Variants in ADAMTSL1 observed in about 807,000 individuals in gnomAD.
ADAMTSL1 encodes the protein ADAMTS-like protein 1.
ADAMTSL1 carries 126 observed loss-of-function variants against 201.8 expected under a neutral mutation model. The ratio of observed to expected loss-of-function variants is 0.62; its 90% CI spans 0.54 to 0.72. ADAMTSL1 has a LOEUF of 0.72. ADAMTSL1 is among the 30% of genes least tolerant of loss of function. The pLI, the probability that ADAMTSL1 is intolerant of heterozygous loss-of-function variation, is 0.00. For missense variants in ADAMTSL1, 2,679 were observed against 2,277.8 expected, an observed-to-expected ratio of 1.18 and a Z score of -3.59; for synonymous variants, 1,121 against 903.4, an observed-to-expected ratio of 1.24 and a Z score of -4.32.
intron 1 of ADAMTSL1, among the ~76,000 whole-genome samples, chr9:18,054,567 C>T (rs901347683): frequency 6.6e-6 from 1 of 152,056 alleles, no homozygotes; most frequent in East Asian, 1.9e-4. Flanking sequence ...TAGGCCAGGT[C>T]GACATGTTTT....
At chr9:18,110,335 G>A (rs916177280) in intron 1 of ADAMTSL1, among the ~76,000 whole-genome samples, 1 of 152,146 alleles carries the variant, frequency 6.6e-6, no homozygotes, top group Non-Finnish European at 1.5e-5. Flanking sequence ...AAAAGGAACT[G>A]GATTTGCGAA....
At chr9:18,714,091 T>A (rs148732674) in intron 14 of ADAMTSL1, among the ~76,000 whole-genome samples, 39,232 of 151,516 alleles carry the variant, frequency 0.26, 5,398 homozygotes, top group Non-Finnish European at 0.32. Context: ...CTGGGACACA[T>A]TCAAGGCAGT....
chr9:18,640,097 A>C (rs1827348389), intron 7 of ADAMTSL1, among the ~76,000 whole-genome samples: 1 of 152,188 alleles, frequency 6.6e-6, no homozygotes, highest in African/African-American at 2.4e-5. Flanking sequence ...ACCTGGAGCC[A>C]GAGGACATTT....
Position 18,900,125 on chromosome 9 carries a change from G to A in ADAMTSL1, c.4852-5657G>A, listed in dbSNP as rs537450082. Among the ~76,000 whole-genome samples, 9 of 152,220 alleles carry A rather than the reference G, an allele frequency of 5.9e-5. 1 individual carries two copies. In the South Asian group the frequency reaches 1.9e-3, roughly 32 times the overall value. Reference sequence around the variant, plus strand: ...CCATTAAAAAGCAAGCAAAGGACATGAACAGACAGTTCTCAAAAGAAGACA... The same window carrying A: ...CCATTAAAAAGCAAGCAAAGGACATAAACAGACAGTTCTCAAAAGAAGACA... On this transcript the variant is annotated intron_variant, in intron 26 of 28. Transcript: ENST00000380548.
intron 2 of ADAMTSL1, among the ~76,000 whole-genome samples, chr9:18,236,149 C>T (rs1462864222): frequency 1.3e-5 from 2 of 152,178 alleles, no homozygotes; most frequent in African/African-American, 2.4e-5. Context: ...CAGCTCACTG[C>T]AACCTCCGCC....
chr9:18,612,967 C>T (rs1825476458), intron 4 of ADAMTSL1, among the ~76,000 whole-genome samples: 1 of 152,162 alleles, frequency 6.6e-6, no homozygotes, highest in African/African-American at 2.4e-5. Flanking sequence ...AACTATGCAT[C>T]TGACAAAGGT....
chr9:18,768,551 G>C (rs116029016), intron 16 of ADAMTSL1, among the ~76,000 whole-genome samples: 1,898 of 92,658 alleles, frequency 0.02, 25 homozygotes, highest in African/African-American at 0.053. Context: ...CAATGGGTAG[G>C]TAGTTGATCC....
chr9:18,257,801 G>T (rs994757347), intron 2 of ADAMTSL1, among the ~76,000 whole-genome samples: 4 of 152,092 alleles, frequency 2.6e-5, no homozygotes, highest in Non-Finnish European at 4.4e-5. Context: ...AATATTATTT[G>T]GTCATAAAAA....
intron 20 of ADAMTSL1, among the ~76,000 whole-genome samples, chr9:18,816,218 A>T (rs1247489024): frequency 6.6e-6 from 1 of 152,116 alleles, no homozygotes; most frequent in Admixed American, 6.6e-5. Context: ...TAGATTCTAC[A>T]TATAAGTGAG....
intron 1 of ADAMTSL1, among the ~76,000 whole-genome samples, chr9:17,921,003 A>G (rs1467176703): frequency 6.6e-6 from 1 of 152,196 alleles, no homozygotes; most frequent in African/African-American, 2.4e-5. Context: ...GGCTTTCAGT[A>G]GATCTGTCTC....
chr9:18,863,777 C>T (rs1827347222), intron 23 of ADAMTSL1, among the ~76,000 whole-genome samples: 1 of 152,182 alleles, frequency 6.6e-6, no homozygotes, highest in Admixed American at 6.5e-5. Flanking sequence ...CCTACTTTTG[C>T]TCAGTCACCC....
At chr9:18,433,789 G>A (rs547273444) in intron 2 of ADAMTSL1, among the ~76,000 whole-genome samples, 1 of 152,152 alleles carries the variant, frequency 6.6e-6, no homozygotes, top group Non-Finnish European at 1.5e-5. Context: ...AGTTCCACAA[G>A]TTTTAACAAA....
At chr9:17,977,613 T>C (rs1408238424) in intron 1 of ADAMTSL1, among the ~76,000 whole-genome samples, 1 of 152,068 alleles carries the variant, frequency 6.6e-6, no homozygotes, top group Non-Finnish European at 1.5e-5. Flanking sequence ...TTATGATTGA[T>C]TCTTTGTATT....
chr9:17,924,488 A>C (rs1027579219), intron 1 of ADAMTSL1, among the ~76,000 whole-genome samples: 9 of 151,920 alleles, frequency 5.9e-5, no homozygotes, highest in Non-Finnish European at 1.2e-4. Context: ...ACAGCATGGT[A>C]CTGGTACCAA....
chr9:18,056,833 G>A (rs1822211900), intron 1 of ADAMTSL1, among the ~76,000 whole-genome samples: 1 of 152,020 alleles, frequency 6.6e-6, no homozygotes, highest in African/African-American at 2.4e-5. Flanking sequence ...TCCCTGCAGT[G>A]CCCTTCACAG....
At chr9:18,251,126 G>A (rs1005207975) in intron 2 of ADAMTSL1, among the ~76,000 whole-genome samples, 1 of 151,976 alleles carries the variant, frequency 6.6e-6, no homozygotes, top group Admixed American at 6.6e-5. Flanking sequence ...AAAATTAATA[G>A]GTAAATGGAT....
chr9:17,988,538 C>T (rs551174955), intron 1 of ADAMTSL1, among the ~76,000 whole-genome samples: 23 of 151,010 alleles, frequency 1.5e-4, no homozygotes, highest in Non-Finnish European at 3.1e-4. Context: ...TATATAAAAT[C>T]CCCTTATTGT....
chr9:17,953,964 G>C (rs1280906790), intron 1 of ADAMTSL1, among the ~76,000 whole-genome samples: 1 of 152,118 alleles, frequency 6.6e-6, no homozygotes, highest in Non-Finnish European at 1.5e-5. Context: ...GTTGTTGGTT[G>C]GGTTCCTTAA....
chr9:18,808,901 G>T (rs1333582105), intron 20 of ADAMTSL1, among the ~76,000 whole-genome samples: 1 of 152,190 alleles, frequency 6.6e-6, no homozygotes, highest in African/African-American at 2.4e-5. Flanking sequence ...AGTTCTTTGT[G>T]TATGTAAAAG....
Sources: allele counts gnomAD v4.1 joint callset (sites outside exome capture counted in the v4.1 genomes callset), GRCh38; gene constraint gnomAD v4.1.1; transcripts MANE v1.5; gene names NCBI Gene and HGNC (gene_info 2026-07-23, HGNC 2026-07-21).